The following SLCO1A2 variants were observed in gnomAD, a reference collection of about 807,000 sequenced individuals.
The protein encoded by SLCO1A2 is solute carrier organic anion transporter family member 1A2.
A neutral mutation model predicts 69.0 loss-of-function variants in SLCO1A2; 67 were observed. The observed-to-expected ratio is 0.97, with a 90% CI of 0.80 to 1.19. SLCO1A2 has a LOEUF of 1.19. Ranked by LOEUF, SLCO1A2 falls within the 50% of genes most tolerant of loss-of-function variation. The pLI, the probability that SLCO1A2 is intolerant of heterozygous loss-of-function variation, is 0.00. For missense variants in SLCO1A2, 787 were observed against 793.7 expected (o/e 0.99, Z 0.10); for synonymous variants, 260 against 265.9 (o/e 0.98, Z 0.22).
At chr12:21,330,419 G>A (rs1192444001) in intron 2 of SLCO1A2, among the ~76,000 whole-genome samples, 1 of 152,110 alleles carries the variant, frequency 6.6e-6, no homozygotes, top group African/African-American at 2.4e-5. Flanking sequence ...GCTGAGGGGA[G>A]GATTTCTTGA....
At chr12:21,371,380 A>T (rs145042267) in intron 2 of SLCO1A2, among the ~76,000 whole-genome samples, 201 of 149,892 alleles carry the variant, frequency 1.3e-3, no homozygotes, top group African/African-American at 4.7e-3. Flanking sequence ...ACGGAAATGC[A>T]TTATCCTTCC....
At chr12:21,403,518 CACCTCAAACG>C (rs1941771291) in intron 1 of SLCO1A2, 2 of 152,048 alleles carry the variant, frequency 1.3e-5, no homozygotes, top group African/African-American at 2.4e-5. Context: ...ATGAATAAGG[CACCTCAAACG>C]TGTAAGCTGC....
chr12:21,349,438 A>G (rs577800658), intron 2 of SLCO1A2, among the ~76,000 whole-genome samples: 6 of 152,266 alleles, frequency 3.9e-5, no homozygotes, highest in African/African-American at 1.4e-4. Flanking sequence ...ATCACTTGCA[A>G]CCAAGGAGTT....
In SLCO1A2 at chr12:21,274,584, C is replaced by T. The variant is rs1360657527; in HGVS notation, c.1678G>A (p.Gly560Ser). The T allele has an allele frequency of 1.3e-6, 2 of 1,581,630 alleles. No individual in the cohort carries two copies. Among genetic ancestry groups the T allele is most frequent in the African/African-American group, 2.7e-5 (2 of 74,236 alleles). ...LHTFCTRVFA[G>S]IPAPIYFGAL... ...CCAAAATATATAGGTGCAGGAATGC[C>T]AGCTACAATTGACAGGGAAAGAAAA... Residue 560 changes from glycine (G) to serine (S), a missense_variant and splice_region_variant, in exon 14 of 15, where the codon GGC (glycine) becomes AGC (serine). By Grantham distance (56) the Gly-to-Ser change is moderately conservative (BLOSUM62 0). Coordinates refer to ENST00000683939, the MANE Select transcript of SLCO1A2 (RefSeq NM_001386879.1).
At chr12:21,400,717 GT>G (rs1941664039) in intron 1 of SLCO1A2, among the ~76,000 whole-genome samples, 1 of 148,700 alleles carries the variant, frequency 6.7e-6, no homozygotes, top group Non-Finnish European at 1.5e-5. Flanking sequence ...ATGAGTTCAT[GT>G]CCTTTGTAGG....
chr12:21,404,879 C>T (rs930655874), intron 1 of SLCO1A2, among the ~76,000 whole-genome samples: 11 of 152,104 alleles, frequency 7.2e-5, no homozygotes, highest in Non-Finnish European at 1.2e-4. Context: ...CCTATTTGTC[C>T]ACAACCTCTC....
At chr12:21,337,499 G>A (rs1952932149), upstream of SLCO1A2, among the ~76,000 whole-genome samples, 1 of 151,652 alleles carries the variant, frequency 6.6e-6, no homozygotes, top group African/African-American at 2.4e-5. Context: ...GTACATACAT[G>A]AAGAAGACTT....
chr12:21,367,755 T>C (rs1396485512), intron 2 of SLCO1A2, among the ~76,000 whole-genome samples: 1 of 151,674 alleles, frequency 6.6e-6, no homozygotes, highest in African/African-American at 2.4e-5. Flanking sequence ...CTACAAGACA[T>C]AGAAGGCAAC....
chr12:21,333,001 C>T (rs1448697062), intron 2 of SLCO1A2, among the ~76,000 whole-genome samples: 1 of 152,096 alleles, frequency 6.6e-6, no homozygotes, highest in East Asian at 1.9e-4. Context: ...TGATTGACTA[C>T]AGCATAGTAT....
At chr12:21,396,820 G>A (rs997455019), upstream of SLCO1A2, among the ~76,000 whole-genome samples, 18 of 152,122 alleles carry the variant, frequency 1.2e-4, no homozygotes, top group African/African-American at 4.1e-4. Context: ...ACAAACAAAT[G>A]CTGAGAGATT....
chr12:21,290,312 T>TA (rs1197405423), intron 12 of SLCO1A2, among the ~76,000 whole-genome samples: 4 of 152,050 alleles, frequency 2.6e-5, no homozygotes, highest in Admixed American at 2.6e-4. Context: ...CTTATGAAGA[T>TA]ATAAAGATCC....
intron 2 of SLCO1A2, among the ~76,000 whole-genome samples, chr12:21,369,778 A>T (rs1163922188): frequency 9.9e-5 from 15 of 152,188 alleles, no homozygotes; most frequent in African/African-American, 9.6e-5. Flanking sequence ...CCTCATTCAC[A>T]CTTTGACTTA....
At chr12:21,415,262 G>T (rs1469766587) in intron 1 of SLCO1A2, among the ~76,000 whole-genome samples, 1 of 151,926 alleles carries the variant, frequency 6.6e-6, no homozygotes, top group Admixed American at 6.6e-5. Context: ...CTATCCTCTT[G>T]ATTCCTACCA....
chr12:21,418,286 C>T (rs192224495), upstream of SLCO1A2, among the ~76,000 whole-genome samples: 35 of 152,248 alleles, frequency 2.3e-4, no homozygotes, highest in African/African-American at 8.4e-4. Context: ...ATCAAATAAT[C>T]AGCTCCAACA....
Position 21,269,575 on chromosome 12 carries a change from T to C in SLCO1A2, c.1986A>G (p.Lys662=), listed in dbSNP as rs1361536380. The C allele has an allele frequency of 1.9e-6, 3 of 1,611,774 alleles. No individual in the cohort carries two copies. Among genetic ancestry groups the C allele is most frequent in the Non-Finnish European group, 2.5e-6 (3 of 1,178,626 alleles). ...ACAATTTAGTTTTCAATTCATCATC[T>C]TTCAAAACCGTGGACTTTTGGTATA... ...KDIYQKSTVL[K]DDELKTKL is the part of the protein sequence containing the mutation. Residue 662 remains lysine, a synonymous_variant, in exon 15 of 15, where the codon AAA becomes AAG. Transcript: ENST00000683939.
intron 1 of SLCO1A2, chr12:21,378,190 C>G (rs764823776): frequency 6.4e-7 from 1 of 1,554,950 alleles, no homozygotes; most frequent in Admixed American, 1.7e-5. Context: ...CTGGATCCAG[C>G]TAAAATTCTA....
intron 2 of SLCO1A2, among the ~76,000 whole-genome samples, chr12:21,324,385 C>T (rs368681115): frequency 2.0e-5 from 3 of 152,094 alleles, no homozygotes; most frequent in Non-Finnish European, 4.4e-5. Flanking sequence ...TTATACTTGG[C>T]CTGATTATTT....
intron 1 of SLCO1A2, among the ~76,000 whole-genome samples, chr12:21,411,257 T>C (rs1941902058): frequency 6.6e-6 from 1 of 152,252 alleles, no homozygotes; most frequent in Non-Finnish European, 1.5e-5. Context: ...TTGGAAATTT[T>C]TTTTGATATG....
chr12:21,305,366 A>C (rs1949234825), intron 5 of SLCO1A2, among the ~76,000 whole-genome samples: 1 of 152,214 alleles, frequency 6.6e-6, no homozygotes, highest in Admixed American at 6.5e-5. Flanking sequence ...CAGGGATCTG[A>C]AGGACAATGC....
Sources: allele counts gnomAD v4.1 joint callset (sites outside exome capture counted in the v4.1 genomes callset), GRCh38; gene constraint gnomAD v4.1.1; transcripts MANE v1.5; gene names NCBI Gene and HGNC (gene_info 2026-07-23, HGNC 2026-07-21).